ZNF106: variants seen among roughly 807,000 people sequenced by gnomAD.
The protein encoded by ZNF106 is zinc finger protein 106, also known as SH3-domain binding protein 3.
ZNF106 carries 67 observed loss-of-function variants against 195.1 expected under a neutral mutation model. The ratio of observed to expected loss-of-function variants is 0.34; its 90% CI spans 0.28 to 0.42. ZNF106 has a LOEUF of 0.42. Ranked by LOEUF, ZNF106 falls within the 10% of genes least tolerant of loss-of-function variation. ZNF106 has a pLI of 1.00. For synonymous variants in ZNF106, 784 were observed against 818.6 expected, an observed-to-expected ratio of 0.96 and a Z score of 0.72; for missense variants, 2,118 against 2,304.5, an observed-to-expected ratio of 0.92 and a Z score of 1.66.
intron 15 of ZNF106, among the ~76,000 whole-genome samples, chr15:42,426,431 A>C (rs986530635): frequency 1.3e-5 from 2 of 150,034 alleles, no homozygotes; most frequent in African/African-American, 4.9e-5. Context: ...ACAGGGTCTC[A>C]CTCTGTCAGC....
In ZNF106 at chr15:42,429,364, C is replaced by T. The variant is rs141690778; in HGVS notation, c.4882-1230G>A. On this transcript the variant is annotated intron_variant, in intron 14 of 21. Transcript: ENST00000564754. ...TGAGGCAGGAGAACTGCTTGAACCA[C>T]GGAGGCGGAGGTTGCAGTGAGCAGA... 8.0e-3 allele frequency among the ~76,000 whole-genome samples: 1,218 copies of T among 151,430 alleles called. 32 individuals are homozygous for T. The highest frequency in any genetic ancestry group is 0.028 in the African/African-American group (1,169 of 41,088).
chr15:42,425,872 G>A (rs2054837312), intron 15 of ZNF106: 1 of 152,168 alleles, frequency 6.6e-6, no homozygotes, highest in Non-Finnish European at 1.5e-5. Context: ...GACTATAGAA[G>A]CCTAATTATA....
At chr15:42,440,649 C>A (rs1407072073) in intron 10 of ZNF106, among the ~76,000 whole-genome samples, 1 of 151,520 alleles carries the variant, frequency 6.6e-6, no homozygotes, top group Non-Finnish European at 1.5e-5. Flanking sequence ...TAAATATATA[C>A]ACCTACTATG....
chr15:42,469,325 T>A (rs1413737377), intron 2 of ZNF106, among the ~76,000 whole-genome samples: 1 of 152,198 alleles, frequency 6.6e-6, no homozygotes, highest in Non-Finnish European at 1.5e-5. Flanking sequence ...ACAAAACCAT[T>A]CCTGACCAAA....
intron 1 of ZNF106, among the ~76,000 whole-genome samples, chr15:42,475,419 G>A (rs961010648): frequency 3.3e-5 from 5 of 152,130 alleles, no homozygotes; most frequent in African/African-American, 1.2e-4. Context: ...TCTAGCCTGG[G>A]CGACACAGCG....
chr15:42,474,083 C>G (rs1226237509), intron 1 of ZNF106, among the ~76,000 whole-genome samples: 1 of 152,178 alleles, frequency 6.6e-6, no homozygotes, highest in East Asian at 1.9e-4. Context: ...CAGGTCCAGC[C>G]ACCAATGAGA....
At chr15:42,457,233 T>C (rs749490075) in intron 3 of ZNF106, 75 bp from the exon 4 acceptor site, 6 of 1,609,416 alleles carry the variant, frequency 3.7e-6, no homozygotes, top group Non-Finnish European at 5.1e-6. Context: ...TGTTATTGTT[T>C]CCTCTGAAGG....
At chr15:42,460,000 T>A (rs111736861) in intron 3 of ZNF106, among the ~76,000 whole-genome samples, 7,089 of 147,544 alleles carry the variant, frequency 0.048, 547 homozygotes, top group African/African-American at 0.16. Flanking sequence ...CCAAGATCAC[T>A]CCACTGCACT....
intron 20 of ZNF106, among the ~76,000 whole-genome samples, chr15:42,419,504 G>A (rs1328624790): frequency 1.3e-5 from 2 of 151,788 alleles, no homozygotes; most frequent in South Asian, 2.1e-4. Flanking sequence ...TGACCACACC[G>A]CTGCACTCCC....
At chr15:42,441,876 A>G in intron 10 of ZNF106, 197 bp downstream of exon 10, 1 of 435,724 alleles carries the variant, frequency 2.3e-6, no homozygotes, top group Non-Finnish European at 4.0e-6. Context: ...AAATGAAAGA[A>G]AATGACTGAT....
chr15:42,428,439 C>T (rs564997465), intron 14 of ZNF106, among the ~76,000 whole-genome samples: 2 of 152,068 alleles, frequency 1.3e-5, no homozygotes, highest in East Asian at 3.9e-4. Context: ...AATTAAGAGG[C>T]CAAATATAAA....
rs1173445091 is a variant in ZNF106 at position 42,417,240 on chromosome 15, T to G, written c.*64A>C. The G allele has an allele frequency of 1.3e-6, 2 of 1,562,990 alleles. No homozygotes were observed. The highest frequency in any genetic ancestry group is 3.4e-5 in the Admixed American group (2 of 59,494). On this transcript the variant is annotated 3_prime_UTR_variant, in exon 22 of 22. Transcript: ENST00000564754. ...CACCAAGAAAGGGAAGAGAGTGGCC[T>G]GTGTGGGGGGCCAATGTGAAAATAG...
chr15:42,417,457 G>T, intron 21 of ZNF106, 97 bp from the exon 22 acceptor site: 1 of 1,448,100 alleles, frequency 6.9e-7, no homozygotes, highest in South Asian at 1.2e-5. Context: ...ATTCCACCTA[G>T]GATCCAGACA....
intron 3 of ZNF106, among the ~76,000 whole-genome samples, chr15:42,464,087 A>T (rs2056456648): frequency 6.6e-6 from 1 of 152,210 alleles, no homozygotes; most frequent in South Asian, 2.1e-4. Context: ...CACGCCTGTA[A>T]TCCCAGCACT....
At chr15:42,440,453 T>C (rs1238267647) in intron 10 of ZNF106, among the ~76,000 whole-genome samples, 1 of 152,200 alleles carries the variant, frequency 6.6e-6, no homozygotes, top group African/African-American at 2.4e-5. Flanking sequence ...ACTTGTAATA[T>C]AAAATACTTT....
intron 1 of ZNF106, among the ~76,000 whole-genome samples, chr15:42,481,693 T>C (rs2056904536): frequency 6.6e-6 from 1 of 152,174 alleles, no homozygotes; most frequent in African/African-American, 2.4e-5. Flanking sequence ...CTGCTGAATC[T>C]GAAATTCTGG....
In ZNF106 at chr15:42,413,606, T is replaced by C. The variant is rs987449499; in HGVS notation, c.*3698A>G. ...CCCACCAAATCATCCACATGCCTCA[T>C]CACTAAAGTTGTCCCTTGTATAATC... On this transcript the variant is annotated 3_prime_UTR_variant, in exon 22 of 22. Coordinates refer to ENST00000564754, the MANE Select transcript of ZNF106 (RefSeq NM_001366845.3). The C allele has an allele frequency of 1.3e-5, 2 of 152,654 alleles. No individual in the cohort carries two copies. Among genetic ancestry groups the C allele is most frequent in the Non-Finnish European group, 2.9e-5 (2 of 68,034 alleles). 9.5% of individuals were successfully genotyped at this position (152,654 alleles called of 1,614,324 possible).
chr15:42,479,760 T>C (rs2056861845), intron 1 of ZNF106, among the ~76,000 whole-genome samples: 2 of 152,272 alleles, frequency 1.3e-5, no homozygotes, highest in South Asian at 4.1e-4. Context: ...GAGAATCGCT[T>C]GAACCCGGGG....
chr15:42,468,420 C>T (rs772982179), intron 2 of ZNF106, among the ~76,000 whole-genome samples: 10 of 151,838 alleles, frequency 6.6e-5, no homozygotes, highest in South Asian at 2.1e-4. Flanking sequence ...AGATTACCAT[C>T]GTTTCCTTCC....
Sources: gnomAD v4.1 joint callset for allele counts (sites outside exome capture counted in the v4.1 genomes callset) on GRCh38, gnomAD v4.1.1 for gene constraint, MANE v1.5 for transcripts, NCBI Gene and HGNC (gene_info 2026-07-23, HGNC 2026-07-21) for gene names.